Variants in BTN2A1 observed in about 807,000 individuals in gnomAD.
The protein encoded by BTN2A1 is butyrophilin, subfamily 2, member A1.
In BTN2A1, 41 loss-of-function variants were observed where a neutral mutation model predicts 34.5. The ratio of observed to expected loss-of-function variants is 1.19; its 90% CI spans 0.93 to 1.54. The LOEUF (loss-of-function observed/expected upper bound fraction) is 1.54, where lower values mean the gene tolerates loss of function less well. BTN2A1 is among the 40% of genes most tolerant of loss of function. BTN2A1 has a pLI of 0.00. For synonymous variants in BTN2A1, 267 were observed against 258.6 expected (o/e 1.03, Z -0.31); for missense variants, 642 against 662.0 (o/e 0.97, Z 0.33).
intron 3 of BTN2A1, 68 bp downstream of exon 3, chr6:26,459,896 C>T (rs965424987): frequency 2.0e-6 from 3 of 1,481,196 alleles, no homozygotes; most frequent in African/African-American, 2.8e-5. Context: ...CTCTCCTAAC[C>T]TCAGGCCCAT....
intron 3 of BTN2A1, among the ~76,000 whole-genome samples, chr6:26,462,155 T>C (rs565848269): frequency 6.6e-6 from 1 of 152,356 alleles, no homozygotes; most frequent in African/African-American, 2.4e-5. Flanking sequence ...TGGTCACACA[T>C]GGCTGAAAGG....
chr6:26,463,661 G>T (rs1763234528), intron 4 of BTN2A1, 136 bp downstream of exon 4: 6 of 1,046,230 alleles, frequency 5.7e-6, no homozygotes, highest in Non-Finnish European at 6.9e-6. Flanking sequence ...CTGCAGCTGA[G>T]TGAAGCCTTT....
chr6:26,469,457 T>A lies in BTN2A1; in HGVS notation c.*908T>A. The A allele has an allele frequency of 4.5e-6, 2 of 447,226 alleles. No homozygotes were observed. The highest frequency in any genetic ancestry group is 5.9e-6 in the Non-Finnish European group (2 of 338,094). 27.7% of individuals were successfully genotyped at this position (447,226 alleles called of 1,614,324 possible). ...TATTTATGGCATTTGAGATTGAAAC[T>A]AAGAAATGTTTTAATTTATTACCTT... On this transcript the variant is annotated 3_prime_UTR_variant, in exon 8 of 8. Transcript: ENST00000312541.
At chr6:26,464,648 G>A (rs1763259741) in intron 4 of BTN2A1, among the ~76,000 whole-genome samples, 1 of 152,178 alleles carries the variant, frequency 6.6e-6, no homozygotes, top group Non-Finnish European at 1.5e-5. Context: ...GGTGATGCTG[G>A]TGTGGCTGAA....
rs144358349 is a variant in BTN2A1 at position 26,463,408 on chromosome 6, G to T, written c.595G>T (p.Gly199Cys). ...LKEVSMPDADGLFMVTTAVII... is the reference protein window; with the variant it reads ...LKEVSMPDADCLFMVTTAVII... ...AGAGGTCTCCATGCCTGATGCAGAC[G>T]GCCTCTTCATGGTCACCACGGCTGT... Residue 199 changes from glycine (G) to cysteine (C), a missense_variant, in exon 4 of 8, where the codon GGC (glycine) becomes TGC (cysteine). By Grantham distance (159) the Gly-to-Cys change is radical. Coordinates refer to ENST00000312541, the MANE Select transcript of BTN2A1 (RefSeq NM_007049.5). 1.2e-6 allele frequency: 2 copies of T among 1,614,118 alleles called. No individual in the cohort carries two copies. Among genetic ancestry groups the T allele is most frequent in the Admixed American group, 1.7e-5 (1 of 60,024 alleles).
chr6:26,476,162 G>A (rs1228549713), exon 8 of BTN2A1: 1 of 1,536,602 alleles, frequency 6.5e-7, no homozygotes, highest in Non-Finnish European at 8.7e-7. Flanking sequence ...CAAACTTAGG[G>A]TGGTGAGTGG....
In BTN2A1 at chr6:26,463,624, T is replaced by C. The variant is rs1763233868; in HGVS notation, c.712+99T>C. ...GATGGGGGCAGCAGTGTGGGTGAAA[T>C]AGTCCTGGGCCCTAAGGACCTGGAG... On this transcript the variant is annotated intron_variant, in intron 4 of 7. Transcript: ENST00000312541. The C allele has an allele frequency of 1.6e-5, 23 of 1,405,934 alleles. No individual in the cohort carries two copies. The South Asian group carries it at 2.8e-4, about 17-fold the overall frequency. 87.1% of individuals were successfully genotyped at this position (1,405,934 alleles called of 1,614,324 possible).
chr6:26,473,425 T>C (rs1188659819), downstream of BTN2A1, among the ~76,000 whole-genome samples: 2 of 152,312 alleles, frequency 1.3e-5, no homozygotes, highest in East Asian at 1.9e-4. Context: ...TATGCAGTTA[T>C]AGACAGCACT....
chr6:26,473,802 CAGAG>C (rs746914204), downstream of BTN2A1, among the ~76,000 whole-genome samples: 4 of 152,222 alleles, frequency 2.6e-5, no homozygotes, highest in Non-Finnish European at 4.4e-5. Context: ...TATGTAAACA[CAGAG>C]AGCTGCAAAC....
Position 26,466,005 on chromosome 6 carries a change from A to AGCAAC in BTN2A1, c.955+32_955+33insGCAAC, listed in dbSNP as rs1763303743. 1.9e-6 allele frequency: 3 copies of AGCAAC among 1,614,114 alleles called. No homozygotes were observed. In the Admixed American group the frequency reaches 5.0e-5, roughly 27 times the overall value. On this transcript the variant is annotated intron_variant, in intron 6 of 7. Transcript: ENST00000312541. ...TTAGCCTTTCCTTAACTACATGTAC[A>AGCAAC]ATTTGAGTTCTGCTCAGCAACATCT...
intron 3 of BTN2A1, among the ~76,000 whole-genome samples, chr6:26,462,018 CA>C (rs1554136470): frequency 1.2e-4 from 4 of 34,214 alleles, no homozygotes; most frequent in Admixed American, 5.2e-4. Flanking sequence ...GAGACTGTGT[CA>C]AAAAAAAAAA....
rs201996542 is a variant in BTN2A1, at chr6:26,468,319, G to A, written c.1354G>A (p.Val452Ile). ...GAAGGAGTCCCTTTGCCGGGTGGGCGTCTTCCTGGACTATGAAGCTGGAGA... is the reference window on the plus strand; with the variant it reads ...GAAGGAGTCCCTTTGCCGGGTGGGCATCTTCCTGGACTATGAAGCTGGAGA... ...PLKESLCRVG[V>I]FLDYEAGDVS... Residue 452 changes from valine (V) to isoleucine (I), a missense_variant, in exon 8 of 8, where the codon GTC becomes ATC. Physicochemically the swap from Val to Ile is conservative, Grantham distance 29. Coordinates refer to ENST00000312541, the MANE Select transcript of BTN2A1 (RefSeq NM_007049.5). The A allele has an allele frequency of 6.0e-5, 97 of 1,614,172 alleles. No individual in the cohort carries two copies. Among genetic ancestry groups the A allele is most frequent in the Admixed American group, 4.0e-4 (24 of 60,022 alleles).
At chr6:26,470,993 C>A (rs1206215953), downstream of BTN2A1, among the ~76,000 whole-genome samples, 12 of 152,162 alleles carry the variant, frequency 7.9e-5, no homozygotes, top group Non-Finnish European at 1.5e-4. Flanking sequence ...CTGGAGAACC[C>A]TGACTGAAAC....
At chr6:26,467,669 A>G (rs1349822915) in intron 7 of BTN2A1, 1 of 1,525,416 alleles carries the variant, frequency 6.6e-7, no homozygotes, top group East Asian at 2.3e-5. Context: ...GAGAGAAAGT[A>G]TAAGAATGAT....
In BTN2A1 at chr6:26,468,968, A is replaced by G. The variant is rs1392964086; in HGVS notation, c.*419A>G. 5.0e-6 allele frequency: 6 copies of G among 1,205,872 alleles called. No homozygotes were observed. The highest frequency in any genetic ancestry group is 6.3e-6 in the Non-Finnish European group (6 of 953,872). The allele number at this position is 1,205,872 out of a possible 1,614,324, so 74.7% of individuals were successfully genotyped here. Reference sequence around the variant, plus strand: ...GTAAGAGGAGAGAGGAATCCACAGGACCACCAGAGAGGAGAGGGAACCAGA... The same window carrying G: ...GTAAGAGGAGAGAGGAATCCACAGGGCCACCAGAGAGGAGAGGGAACCAGA... On this transcript the variant is annotated 3_prime_UTR_variant, in exon 8 of 8. Coordinates refer to ENST00000312541, the MANE Select transcript of BTN2A1 (RefSeq NM_007049.5).
chr6:26,460,130 G>C (rs2113855478), intron 3 of BTN2A1, among the ~76,000 whole-genome samples: 1 of 151,744 alleles, frequency 6.6e-6, no homozygotes, highest in Admixed American at 6.5e-5. Context: ...CCTTAGGATT[G>C]AACTGTGCAC....
chr6:26,476,568 C>A, exon 8 of BTN2A1: 1 of 290,566 alleles, frequency 3.4e-6, no homozygotes, highest in Non-Finnish European at 6.9e-6. Flanking sequence ...GGGGCTGTGT[C>A]ACAAGCCACT....
At chr6:26,476,557 C>T (rs982876500) in exon 8 of BTN2A1, 11 of 297,506 alleles carry the variant, frequency 3.7e-5, no homozygotes, top group Non-Finnish European at 6.7e-5. Flanking sequence ...CACAGGATCT[C>T]GGGGCTGTGT....
In BTN2A1 at chr6:26,468,449, GC is replaced by G. The variant is rs761610428; in HGVS notation, c.1488del (p.Ile497SerfsTer20). ...TTCTTCAGGTTGGGGTGTGAGGACA[GC>G]CCCATCTTCATCTGCCCTGCACTCA... ...RPFFRLGCED[S>X]PIFICPALTG... On this transcript the variant is annotated frameshift_variant, in exon 8 of 8. Coordinates refer to ENST00000312541, the MANE Select transcript of BTN2A1 (RefSeq NM_007049.5). LOFTEE classifies it low-confidence loss of function (END_TRUNC). 43 of 1,614,038 alleles carry G rather than the reference GC, an allele frequency of 2.7e-5. No homozygotes were observed. Among genetic ancestry groups the G allele is most frequent in the Non-Finnish European group, 3.6e-5 (42 of 1,180,018 alleles).
Sources: allele counts gnomAD v4.1 joint callset (sites outside exome capture counted in the v4.1 genomes callset), GRCh38; gene constraint gnomAD v4.1.1; transcripts MANE v1.5; gene names NCBI Gene and HGNC (gene_info 2026-07-23, HGNC 2026-07-21).